The following AGO1 variants were observed in gnomAD, a reference collection of about 807,000 sequenced individuals.
AGO1 encodes protein argonaute-1.
In AGO1, 11 loss-of-function variants were observed where a neutral mutation model predicts 109.2. The ratio of observed to expected loss-of-function variants is 0.10; its 90% CI spans 0.06 to 0.17. The LOEUF (loss-of-function observed/expected upper bound fraction) is 0.17. Among genes scored for constraint, AGO1 ranks in the 10% least tolerant of loss-of-function variants. The pLI, the probability that AGO1 is intolerant of heterozygous loss-of-function variation, is 1.00. For missense variants in AGO1, 574 were observed against 1,140.3 expected (o/e 0.50, Z 7.15); for synonymous variants, 422 against 418.6 (o/e 1.01, Z -0.10).
chr1:35,872,896 T>G (rs1053122144), intron 1 of AGO1, among the ~76,000 whole-genome samples: 9 of 151,954 alleles, frequency 5.9e-5, no homozygotes, highest in African/African-American at 2.2e-4. Flanking sequence ...TCTGTTCTTT[T>G]CAGTTTTTTT....
At chr1:35,905,524 G>A (rs558840297) in intron 11 of AGO1, among the ~76,000 whole-genome samples, 1 of 152,138 alleles carries the variant, frequency 6.6e-6, no homozygotes, top group African/African-American at 2.4e-5. Context: ...CTGGAGTGCA[G>A]TGGCGCAATC....
intron 15 of AGO1, among the ~76,000 whole-genome samples, chr1:35,916,502 G>A (rs1645738295): frequency 6.6e-6 from 1 of 152,032 alleles, no homozygotes; most frequent in African/African-American, 2.4e-5. Flanking sequence ...CAAGTAGCTG[G>A]GGCTATAGGT....
At position 35,929,094 on chromosome 1, in the gene AGO1, TAATACCC is replaced by T. The variant is rs1645985908; in HGVS notation, c.*9491_*9497del. ...GGTACTGGGGCAATGACAGTTAAGATAATACCCAATGACCCTGCTCTGTACCCTTAAG... is the reference window on the plus strand; with the variant it reads ...GGTACTGGGGCAATGACAGTTAAGATAATGACCCTGCTCTGTACCCTTAAG... On this transcript the variant is annotated 3_prime_UTR_variant, in exon 19 of 19. Coordinates refer to ENST00000373204, the MANE Select transcript of AGO1 (RefSeq NM_012199.5). 1 of 152,250 alleles carries T rather than the reference TAATACCC, an allele frequency of 6.6e-6. No homozygotes were observed. The highest frequency in any genetic ancestry group is 6.5e-5 in the Admixed American group (1 of 15,288). The allele number at this position is 152,250 out of a possible 1,614,324, so 9.4% of individuals were successfully genotyped here.
chr1:35,908,967 A>C (rs1234933376), intron 12 of AGO1, among the ~76,000 whole-genome samples: 3 of 151,946 alleles, frequency 2.0e-5, no homozygotes, highest in Non-Finnish European at 4.4e-5. Context: ...TACGGTGCGC[A>C]CTACCATGCC....
At position 35,894,113 on chromosome 1, in the gene AGO1, T is replaced by G; in HGVS notation, c.726T>G (p.Asp242Glu). ...MCEVLDIRNIDEQPKPLTDSQ... is the reference protein window; with the variant it reads ...MCEVLDIRNIEEQPKPLTDSQ... ...AGGTGCTGGACATCAGGAACATAGA[T>G]GAGCAGCCCAAGCCCCTCACGGACT... is the stretch of plus-strand genomic sequence containing the variant. The change falls in exon 6 of 19, where the codon GAT becomes GAG. Residue 242 changes from aspartate (D) to glutamate (E), a missense_variant. By Grantham distance (45) the Asp-to-Glu change is conservative. Coordinates refer to ENST00000373204, the MANE Select transcript of AGO1 (RefSeq NM_012199.5). 6.3e-7 allele frequency: 1 copy of G among 1,591,008 alleles called. No individual in the cohort carries two copies.
chr1:35,912,474 C>CAGTG (rs1395832603), intron 12 of AGO1, among the ~76,000 whole-genome samples: 108 of 152,148 alleles, frequency 7.1e-4, no homozygotes, highest in Middle Eastern at 3.4e-3. Flanking sequence ...CCATGAGGCC[C>CAGTG]ATTTGCTTAG....
intron 8 of AGO1, among the ~76,000 whole-genome samples, chr1:35,898,320 G>T (rs1346373384): frequency 1.3e-5 from 2 of 150,950 alleles, no homozygotes; most frequent in Non-Finnish European, 2.9e-5. Context: ...GCAGTGGCAC[G>T]ATCTCGGCTC....
Position 35,917,602 on chromosome 1 carries a change from T to C in AGO1, c.2038T>C (p.Tyr680His). ...PEGQLPQILH[Y>H]ELLAIRDACI... The stretch of plus-strand genomic sequence containing the variant: ...ATTTTTTTGTGCCTAGATACTCCAC[T>C]ATGAGCTACTGGCCATTCGTGATGC... The change falls in exon 16 of 19, where the codon TAT becomes CAT. Residue 680 changes from tyrosine to histidine, a missense_variant. This residue lies in a region of AGO1 where 45 missense variants were observed against 61.3 expected (regional missense o/e 0.73). Transcript: ENST00000373204. The C allele has an allele frequency of 6.2e-7, 1 of 1,613,148 alleles. No homozygotes were observed. The highest frequency in any genetic ancestry group is 8.5e-7 in the Non-Finnish European group (1 of 1,179,224).
chr1:35,914,396 C>T (rs377260016), intron 14 of AGO1, 122 bp downstream of exon 14: 13 of 728,598 alleles, frequency 1.8e-5, no homozygotes, highest in Admixed American at 7.2e-5. Context: ...CCATTTAGCT[C>T]GCTATTCCCA....
chr1:35,906,719 G>A (rs949878788), intron 11 of AGO1, among the ~76,000 whole-genome samples: 3 of 150,520 alleles, frequency 2.0e-5, no homozygotes, highest in Admixed American at 6.7e-5. Flanking sequence ...GAGATGGGAT[G>A]ATTGTTTTAG....
intron 12 of AGO1, among the ~76,000 whole-genome samples, chr1:35,911,112 T>C (rs1645625157): frequency 6.6e-6 from 1 of 152,188 alleles, no homozygotes; most frequent in South Asian, 2.1e-4. Context: ...CACTCTTCTT[T>C]GTGTCCTTTG....
chr1:35,903,356 CAGTT>C (rs1381620487), intron 11 of AGO1, among the ~76,000 whole-genome samples: 34 of 151,272 alleles, frequency 2.2e-4, no homozygotes, highest in African/African-American at 7.3e-4. Context: ...CCACAAAACT[CAGTT>C]AGTTGTTTCA....
intron 11 of AGO1, among the ~76,000 whole-genome samples, chr1:35,902,592 G>A (rs1007460039): frequency 2.6e-5 from 4 of 152,158 alleles, no homozygotes; most frequent in African/African-American, 4.8e-5. Context: ...CTGAATTATT[G>A]TTATAATTAT....
At chr1:35,895,022 T>C (rs1332980869) in intron 7 of AGO1, 100 bp from the exon 8 acceptor site, 1 of 1,426,414 alleles carries the variant, frequency 7.0e-7, no homozygotes, top group African/African-American at 1.5e-5. Flanking sequence ...TGGGGCCAAA[T>C]GAAAAAGGAA....
At chr1:35,870,670 A>C (rs1644942815) in intron 1 of AGO1, among the ~76,000 whole-genome samples, 1 of 152,194 alleles carries the variant, frequency 6.6e-6, no homozygotes, top group South Asian at 2.1e-4. Flanking sequence ...GAAAATGAAT[A>C]TTATTTTTAC....
intron 11 of AGO1, among the ~76,000 whole-genome samples, chr1:35,903,508 G>C (rs531219738): frequency 6.6e-6 from 1 of 152,242 alleles, no homozygotes; most frequent in Non-Finnish European, 1.5e-5. Context: ...GCTAGACAAG[G>C]GTAGTGGGGA....
intron 1 of AGO1, among the ~76,000 whole-genome samples, chr1:35,877,124 C>G (rs1041332244): frequency 3.3e-5 from 5 of 152,088 alleles, no homozygotes; most frequent in Admixed American, 3.3e-4. Context: ...TGGGTCAGTT[C>G]GGTTTCAGGC....
rs1038775292 is a variant in AGO1, at chr1:35,913,969, T to A, written c.1710T>A (p.Gly570=). The A allele has an allele frequency of 6.2e-7, 1 of 1,614,018 alleles. No individual in the cohort carries two copies. The highest frequency in any genetic ancestry group is 1.3e-5 in the African/African-American group (1 of 74,904). ...NLCLKINVKL[G]GINNILVPHQ... is the part of the protein sequence containing the mutation. ...GCCTCAAGATCAATGTCAAACTTGG[T>A]GGCATTAACAACATCCTAGTCCCAC... The change falls in exon 13 of 19, where the codon GGT becomes GGA. Residue 570 remains glycine (G), a synonymous_variant. Transcript: ENST00000373204.
At chr1:35,907,743 C>T (rs568872429) in intron 12 of AGO1, among the ~76,000 whole-genome samples, 33 of 152,240 alleles carry the variant, frequency 2.2e-4, no homozygotes, top group South Asian at 6.2e-4. Context: ...TACCTTTCAA[C>T]CCTCAAATAT....
Sources: gnomAD v4.1 joint callset for allele counts (sites outside exome capture counted in the v4.1 genomes callset) on GRCh38, gnomAD v4.1.1 for gene constraint, gnomAD v4.1.1 regional missense constraint, MANE v1.5 for transcripts, NCBI Gene and HGNC (gene_info 2026-07-23, HGNC 2026-07-21) for gene names.